AUTS2: variants seen among roughly 807,000 people sequenced by gnomAD.
AUTS2 encodes activator of transcription and developmental regulator AUTS2, also known as autism susceptibility gene 2 protein.
A neutral mutation model predicts 112.4 loss-of-function variants in AUTS2; 17 were observed. The ratio of observed to expected loss-of-function variants is 0.15; its 90% CI spans 0.10 to 0.23. The LOEUF is 0.23. Among genes scored for constraint, AUTS2 ranks in the 10% least tolerant of loss-of-function variants. AUTS2 has a pLI of 1.00. For synonymous variants in AUTS2, 751 were observed against 702.7 expected (o/e 1.07, Z -1.09); for missense variants, 1,510 against 1,701.6 (o/e 0.89, Z 1.98).
chr7:69,917,587 C>A (rs1181854264), intron 2 of AUTS2, among the ~76,000 whole-genome samples: 1 of 152,088 alleles, frequency 6.6e-6, no homozygotes, highest in Non-Finnish European at 1.5e-5. Context: ...GTGCACCCAT[C>A]ACCTAGTAAT....
chr7:70,699,235 A>G (rs1809309750), intron 6 of AUTS2: 1 of 152,208 alleles, frequency 6.6e-6, no homozygotes, highest in African/African-American at 2.4e-5. Flanking sequence ...TGTTAGCAGT[A>G]TCGTTGGAAA....
intron 5 of AUTS2, among the ~76,000 whole-genome samples, chr7:70,497,924 A>C (rs1224906233): frequency 1.3e-5 from 2 of 152,202 alleles, no homozygotes; most frequent in Admixed American, 6.5e-5. Context: ...CTCCAGCCGC[A>C]ATAGTCCAAA....
At chr7:69,671,919 T>C (rs2129156555) in intron 1 of AUTS2, among the ~76,000 whole-genome samples, 1 of 151,780 alleles carries the variant, frequency 6.6e-6, no homozygotes, top group Admixed American at 6.6e-5. Context: ...CACTGGGAAA[T>C]GGGTAGGGAA....
intron 15 of AUTS2, 55 bp from the exon 16 acceptor site, chr7:70,784,887 C>A: frequency 6.5e-7 from 1 of 1,540,352 alleles, no homozygotes; most frequent in Non-Finnish European, 9.0e-7. Context: ...AAGCCGGTTG[C>A]ATCTTCGAAG....
At chr7:70,270,121 C>G (rs1419158058) in intron 4 of AUTS2, among the ~76,000 whole-genome samples, 1 of 152,104 alleles carries the variant, frequency 6.6e-6, no homozygotes, top group African/African-American at 2.4e-5. Flanking sequence ...TTCTGCCTAT[C>G]CCCTCTATCC....
chr7:70,456,790 A>G (rs1291575376), intron 5 of AUTS2, among the ~76,000 whole-genome samples: 1 of 152,150 alleles, frequency 6.6e-6, no homozygotes, highest in African/African-American at 2.4e-5. Context: ...CTCTCCTCCC[A>G]GCTGCAGCCA....
intron 4 of AUTS2, among the ~76,000 whole-genome samples, chr7:70,391,144 T>C (rs547145276): frequency 6.6e-6 from 1 of 152,334 alleles, no homozygotes; most frequent in South Asian, 2.1e-4. Flanking sequence ...CTGGTATCAG[T>C]ACCTTCTTAC....
chr7:70,042,186 C>A (rs1801277846), intron 2 of AUTS2, among the ~76,000 whole-genome samples: 1 of 147,948 alleles, frequency 6.8e-6, no homozygotes, highest in Non-Finnish European at 1.5e-5. Flanking sequence ...ACCCACCCCC[C>A]AAAAAAAAAT....
chr7:70,510,142 G>A (rs1381505475), intron 5 of AUTS2, among the ~76,000 whole-genome samples: 1 of 152,110 alleles, frequency 6.6e-6, no homozygotes, highest in Non-Finnish European at 1.5e-5. Flanking sequence ...ATTTCTCCTG[G>A]GGCCTTGCTT....
At chr7:69,883,325 T>C (rs1794138698) in intron 1 of AUTS2, among the ~76,000 whole-genome samples, 1 of 151,742 alleles carries the variant, frequency 6.6e-6, no homozygotes, top group South Asian at 2.1e-4. Context: ...GATATTCTTA[T>C]TCCCAAAGAA....
At chr7:70,728,417 A>G (rs918869340) in intron 6 of AUTS2, among the ~76,000 whole-genome samples, 5 of 152,108 alleles carry the variant, frequency 3.3e-5, no homozygotes, top group Admixed American at 2.6e-4. Context: ...TTCAAAGTCC[A>G]TCTGGAGGCC....
At chr7:69,868,568 A>G (rs990719708) in intron 1 of AUTS2, among the ~76,000 whole-genome samples, 21 of 152,192 alleles carry the variant, frequency 1.4e-4, no homozygotes, top group African/African-American at 5.1e-4. Flanking sequence ...TCCTCAGACC[A>G]CATAAGTAAG....
chr7:70,073,064 C>T (rs1236496944), intron 2 of AUTS2, among the ~76,000 whole-genome samples: 2 of 124,972 alleles, frequency 1.6e-5, no homozygotes, highest in African/African-American at 5.8e-5. Context: ...CCCCTCCCTT[C>T]CCCTCCCCTC....
At chr7:69,887,062 G>A (rs377535551) in intron 1 of AUTS2, among the ~76,000 whole-genome samples, 1 of 152,154 alleles carries the variant, frequency 6.6e-6, no homozygotes, top group Non-Finnish European at 1.5e-5. Context: ...AAAGGCATGA[G>A]CCACCGTGCA....
rs534216237 is a variant in AUTS2 at position 70,076,275 on chromosome 7, G to C, written c.523-41857G>C. Among the ~76,000 whole-genome samples, 6 of 152,220 alleles carry C rather than the reference G, an allele frequency of 3.9e-5. No homozygotes were observed. The East Asian group carries it at 7.7e-4, about 20-fold the overall frequency. On this transcript the variant is annotated intron_variant, in intron 2 of 18. Transcript: ENST00000342771. ...AATCTTCATAAAGGACATGGAAAAG[G>C]CTCAAGTTAATAATAGTTTACAGTA... is the stretch of plus-strand genomic sequence containing the variant.
At chr7:70,774,817 A>G (rs1158033148) in intron 12 of AUTS2, 1 of 153,122 alleles carries the variant, frequency 6.5e-6, no homozygotes, top group Non-Finnish European at 1.5e-5. Flanking sequence ...GTTAGATAGA[A>G]GTTTAAAATG....
At chr7:70,729,935 T>G (rs1398767863) in intron 6 of AUTS2, among the ~76,000 whole-genome samples, 1 of 152,004 alleles carries the variant, frequency 6.6e-6, no homozygotes, top group Non-Finnish European at 1.5e-5. Context: ...CAGGCTGGAG[T>G]GCAATGGCGC....
intron 2 of AUTS2, among the ~76,000 whole-genome samples, chr7:69,964,976 C>G (rs919067722): frequency 1.3e-5 from 2 of 152,004 alleles, no homozygotes; most frequent in African/African-American, 4.8e-5. Flanking sequence ...TTAGTACCCC[C>G]AGTTCCCTGA....
At chr7:70,743,468 C>CAAAAAA (rs35444664) in intron 6 of AUTS2, among the ~76,000 whole-genome samples, 4 of 71,250 alleles carry the variant, frequency 5.6e-5, no homozygotes, top group East Asian at 5.1e-4. Context: ...GACTCTGTCT[C>CAAAAAA]AAAAAAAAAA....
Sources: allele counts gnomAD v4.1 joint callset (sites outside exome capture counted in the v4.1 genomes callset), GRCh38; gene constraint gnomAD v4.1.1; transcripts MANE v1.5; gene names NCBI Gene and HGNC (gene_info 2026-07-23, HGNC 2026-07-21).